The following ARHGEF3 variants were observed in gnomAD, a reference collection of about 807,000 sequenced individuals.
ARHGEF3 encodes the protein Rho guanine nucleotide exchange factor 3.
A neutral mutation model predicts 63.2 loss-of-function variants in ARHGEF3; 28 were observed. The observed-to-expected ratio is 0.44, with a 90% CI of 0.33 to 0.61. ARHGEF3 has a LOEUF of 0.61. Among genes scored for constraint, ARHGEF3 ranks in the 20% least tolerant of loss-of-function variants. ARHGEF3 has a pLI of 0.03. For synonymous variants in ARHGEF3, 266 were observed against 254.2 expected (o/e 1.05, Z -0.44); for missense variants, 533 against 659.3 (o/e 0.81, Z 2.10).
chr3:56,833,922 C>CCA (rs1241086768), intron 4 of ARHGEF3, among the ~76,000 whole-genome samples: 1 of 150,328 alleles, frequency 6.7e-6, no homozygotes, highest in African/African-American at 2.5e-5. Context: ...TTGTTTTCCC[C>CCA]CCCCAATTTT....
intron 2 of ARHGEF3, among the ~76,000 whole-genome samples, chr3:57,021,624 G>A (rs374963648): frequency 1.3e-5 from 2 of 151,906 alleles, no homozygotes; most frequent in South Asian, 2.1e-4. Flanking sequence ...ATGGTGGTGC[G>A]TGCCTGTAAC....
chr3:56,950,823 T>C (rs939902221), intron 3 of ARHGEF3, among the ~76,000 whole-genome samples: 1 of 151,996 alleles, frequency 6.6e-6, no homozygotes, highest in African/African-American at 2.4e-5. Context: ...TAAAGACACA[T>C]GCACACGTAT....
intron 3 of ARHGEF3, 37 bp from the exon 4 acceptor site, chr3:56,753,603 C>T (rs1411142377): frequency 2.5e-6 from 4 of 1,586,356 alleles, no homozygotes; most frequent in African/African-American, 1.3e-5. Context: ...TGAATTCTCC[C>T]TTCATTTACA....
At chr3:57,010,530 T>C (rs1230813534) in intron 2 of ARHGEF3, among the ~76,000 whole-genome samples, 3 of 152,050 alleles carry the variant, frequency 2.0e-5, no homozygotes, top group Admixed American at 6.6e-5. Context: ...ACTATGTACA[T>C]TGACATCTAC....
chr3:56,753,565 G>A lies in ARHGEF3; in HGVS notation c.377C>T (p.Ala126Val), dbSNP rs755403345. The A allele has an allele frequency of 1.1e-5, 18 of 1,612,882 alleles. No individual in the cohort carries two copies. Among genetic ancestry groups the A allele is most frequent in the African/African-American group, 2.7e-5 (2 of 74,846 alleles). Reference protein sequence around the residue: ...LTSKEIKRQEAIFELSQGEED... With the variant: ...LTSKEIKRQEVIFELSQGEED... Reference sequence around the variant, plus strand: ...TTCTCCTTGGGAAAGCTCAAAGATCGCCTGCAAGGAAAGATAAACATATTC... The same window carrying A: ...TTCTCCTTGGGAAAGCTCAAAGATCACCTGCAAGGAAAGATAAACATATTC... The change falls in exon 4 of 10, where the codon GCG becomes GTG. Residue 126 changes from alanine to valine, a missense_variant and splice_region_variant. Transcript: ENST00000296315.
intron 3 of ARHGEF3, among the ~76,000 whole-genome samples, chr3:56,886,572 G>A (rs543887844): frequency 2.6e-5 from 4 of 152,306 alleles, no homozygotes; most frequent in African/African-American, 9.6e-5. Flanking sequence ...ATAAACAAAT[G>A]AGCATCTCAG....
At chr3:56,781,746 T>C (rs1033520892) in intron 1 of ARHGEF3, among the ~76,000 whole-genome samples, 2 of 152,256 alleles carry the variant, frequency 1.3e-5, no homozygotes, top group African/African-American at 2.4e-5. Flanking sequence ...TGTGACTTTG[T>C]GCATTCTTCT....
chr3:56,802,004 A>G, upstream of ARHGEF3: 2 of 564,114 alleles, frequency 3.5e-6, no homozygotes, highest in Non-Finnish European at 2.8e-6. Context: ...ATGGGTGGGG[A>G]GGGGGCGGGC....
intron 3 of ARHGEF3, chr3:56,958,797 C>A: frequency 6.5e-7 from 1 of 1,542,536 alleles, no homozygotes; most frequent in Non-Finnish European, 8.8e-7. Flanking sequence ...CATTTAACAG[C>A]AGGGGCTACC....
chr3:57,014,316 A>G (rs1702868632), intron 2 of ARHGEF3, among the ~76,000 whole-genome samples: 1 of 152,216 alleles, frequency 6.6e-6, no homozygotes, highest in Admixed American at 6.5e-5. Flanking sequence ...AGTGAGATCA[A>G]GAACACACCG....
intron 4 of ARHGEF3, among the ~76,000 whole-genome samples, chr3:56,840,897 A>C (rs2039287989): frequency 6.6e-6 from 1 of 152,232 alleles, no homozygotes. Flanking sequence ...ATGGTTAGAA[A>C]GATTTACTGA....
chr3:56,821,027 T>G (rs1192175783), intron 4 of ARHGEF3, among the ~76,000 whole-genome samples: 1 of 151,298 alleles, frequency 6.6e-6, no homozygotes, highest in African/African-American at 2.4e-5. Flanking sequence ...CCAGGTTTAG[T>G]AGGTGCATGC....
Position 56,882,335 on chromosome 3 carries a change from G to C in ARHGEF3, c.149C>G (p.Thr50Ser), listed in dbSNP as rs2040794710. The C allele has an allele frequency of 1.9e-6, 3 of 1,551,616 alleles. No homozygotes were observed. The East Asian group carries it at 7.3e-5, about 38-fold the overall frequency. Reference sequence around the variant, plus strand: ...AAGGCTAACAGCATCTTCATCTTGGGTGCTCTGTTTCCGTTTTCGCTGCAA... The same window carrying C: ...AAGGCTAACAGCATCTTCATCTTGGCTGCTCTGTTTCCGTTTTCGCTGCAA... Residue 50 changes from threonine to serine, a missense_variant, in exon 4 of 13, where the codon ACC becomes AGC. Thr to Ser is a moderately conservative substitution (Grantham distance 58). Coordinates refer to the ARHGEF3 transcript ENST00000338458.
At chr3:56,739,155 T>C (rs1297759013) in intron 7 of ARHGEF3, among the ~76,000 whole-genome samples, 1 of 152,120 alleles carries the variant, frequency 6.6e-6, no homozygotes, top group Non-Finnish European at 1.5e-5. Context: ...CTTAGCAGGA[T>C]TCTCTGTCCC....
chr3:56,935,700 T>C (rs1025876206), intron 3 of ARHGEF3, among the ~76,000 whole-genome samples: 1 of 151,434 alleles, frequency 6.6e-6, no homozygotes, highest in South Asian at 2.1e-4. Context: ...AGGAAGAAAC[T>C]CCGAACACAT....
At chr3:56,796,249 T>TCCC (rs2037360130) in intron 1 of ARHGEF3, among the ~76,000 whole-genome samples, 1 of 152,344 alleles carries the variant, frequency 6.6e-6, no homozygotes, top group East Asian at 1.9e-4. Flanking sequence ...TTTCAGTAGT[T>TCCC]ATGAAAACGG....
chr3:57,039,902 T>C (rs1330861596), intron 1 of ARHGEF3, among the ~76,000 whole-genome samples: 4 of 152,082 alleles, frequency 2.6e-5, no homozygotes, highest in Non-Finnish European at 5.9e-5. Flanking sequence ...CCATGTAAGG[T>C]AACACAGTCC....
chr3:56,757,399 A>G (rs1177841655), intron 2 of ARHGEF3, among the ~76,000 whole-genome samples: 1 of 152,052 alleles, frequency 6.6e-6, no homozygotes, highest in Non-Finnish European at 1.5e-5. Flanking sequence ...GCTTGAACCC[A>G]GGAGGCGGAG....
chr3:56,975,421 A>T (rs1031535096), intron 2 of ARHGEF3, among the ~76,000 whole-genome samples: 8 of 152,058 alleles, frequency 5.3e-5, no homozygotes, highest in African/African-American at 1.7e-4. Context: ...CTGTCTCAAA[A>T]AATAATAATA....
Sources: gnomAD v4.1 joint callset for allele counts (sites outside exome capture counted in the v4.1 genomes callset) on GRCh38, gnomAD v4.1.1 for gene constraint, MANE v1.5 for transcripts, NCBI Gene and HGNC (gene_info 2026-07-23, HGNC 2026-07-21) for gene names.